The following OR10K1 variants were observed in gnomAD, a reference collection of about 807,000 sequenced individuals.
OR10K1 encodes the protein olfactory receptor family 10 subfamily K member 1, also known as olfactory receptor 10K1.
For missense variants in OR10K1, 404 were observed against 373.3 expected (o/e 1.08, Z -0.68); for synonymous variants, 186 against 152.5 (o/e 1.22, Z -1.62).
At chr1:158,465,156 T>C (rs1424350489) in intron 1 of OR10K1, among the ~76,000 whole-genome samples, 2 of 152,212 alleles carry the variant, frequency 1.3e-5, no homozygotes, top group Non-Finnish European at 2.9e-5. Context: ...CTGAATATTA[T>C]TCATTCTTTC....
chr1:158,465,763 T>G lies in OR10K1; in HGVS notation c.202T>G (p.Cys68Gly). Residue 68 changes from cysteine to glycine, a missense_variant, in exon 2 of 2, where the codon TGC (cysteine) becomes GGC (glycine). Physicochemically the swap from Cys to Gly is radical, Grantham distance 159. Coordinates refer to ENST00000641535, the MANE Select transcript of OR10K1 (RefSeq NM_001004473.2). ...GTACTTCTTCCTTGCCATCCTTTCTTGCTCTGAGATTTGCTATACCTTTGT... is the reference window on the plus strand; with the variant it reads ...GTACTTCTTCCTTGCCATCCTTTCTGGCTCTGAGATTTGCTATACCTTTGT... ...PMYFFLAILS[C>G]SEICYTFVIV... 6.2e-7 allele frequency: 1 copy of G among 1,614,194 alleles called. No individual in the cohort carries two copies. The highest frequency in any genetic ancestry group is 8.5e-7 in the Non-Finnish European group (1 of 1,180,022).
At position 158,466,265 on chromosome 1, in the gene OR10K1, A is replaced by G; in HGVS notation, c.704A>G (p.Tyr235Cys). 7 of 1,614,154 alleles carry G rather than the reference A, an allele frequency of 4.3e-6. No homozygotes were observed. Among genetic ancestry groups the G allele is most frequent in the Non-Finnish European group, 5.9e-6 (7 of 1,180,012 alleles). Residue 235 changes from tyrosine to cysteine, a missense_variant, in exon 2 of 2, where the codon TAC (tyrosine) becomes TGC (cysteine). By Grantham distance (194) the Tyr-to-Cys change is radical. Transcript: ENST00000641535. ...ILKIPSSVGR[Y>C]KTFSTCASHL... ...AAAATCCCTTCCTCCGTTGGAAGATACAAGACCTTCTCCACCTGTGCCTCC... is the reference window on the plus strand; with the variant it reads ...AAAATCCCTTCCTCCGTTGGAAGATGCAAGACCTTCTCCACCTGTGCCTCC...
chr1:158,463,945 G>A (rs1655982007), intron 1 of OR10K1, among the ~76,000 whole-genome samples: 1 of 151,894 alleles, frequency 6.6e-6, no homozygotes, highest in Non-Finnish European at 1.5e-5. Context: ...ACTAAGTTTA[G>A]GACCAGTTTC....
At chr1:158,464,313 G>T (rs1655989018) in intron 1 of OR10K1, among the ~76,000 whole-genome samples, 1 of 152,106 alleles carries the variant, frequency 6.6e-6, no homozygotes, top group African/African-American at 2.4e-5. Context: ...ATGGCAGTTT[G>T]CAAAATATTT....
chr1:158,462,709 C>T (rs1338207183), intron 1 of OR10K1, among the ~76,000 whole-genome samples: 1 of 152,084 alleles, frequency 6.6e-6, no homozygotes, highest in Non-Finnish European at 1.5e-5. Context: ...TTGATGTTTT[C>T]CTTAAAATAA....
chr1:158,462,401 C>T (rs1455312429), intron 1 of OR10K1, among the ~76,000 whole-genome samples: 2 of 149,386 alleles, frequency 1.3e-5, no homozygotes, highest in Non-Finnish European at 3.0e-5. Context: ...TTACTTCCTT[C>T]CTCCCTTCCT....
intron 1 of OR10K1, among the ~76,000 whole-genome samples, 179 bp downstream of exon 1, chr1:158,462,083 C>A (rs910020336): frequency 6.6e-6 from 1 of 151,840 alleles, no homozygotes; most frequent in African/African-American, 2.4e-5. Context: ...AGTTTGAGAC[C>A]AACCTGGCCA....
At position 158,465,507 on chromosome 1, in the gene OR10K1, T is replaced by C. The variant is rs1025810005; in HGVS notation, c.-55T>C. 85 of 1,398,094 alleles carry C rather than the reference T, an allele frequency of 6.1e-5. 2 individuals carry two copies. The Middle Eastern group carries it at 2.6e-3, about 42-fold the overall frequency. The allele number at this position is 1,398,094 out of a possible 1,614,324, so 86.6% of individuals were successfully genotyped here. Reference sequence around the variant, plus strand: ...TTTCCCGTACATTTCCACTCTCCTTTCTGGATCCTGGTTTCTACCTCTGTC... The same window carrying C: ...TTTCCCGTACATTTCCACTCTCCTTCCTGGATCCTGGTTTCTACCTCTGTC... On this transcript the variant is annotated 5_prime_UTR_variant, in exon 2 of 2. Transcript: ENST00000641535.
In OR10K1 at chr1:158,466,186, A is replaced by G; in HGVS notation, c.625A>G (p.Ile209Val). 1 of 1,614,110 alleles carries G rather than the reference A, an allele frequency of 6.2e-7. No individual in the cohort carries two copies. Among genetic ancestry groups the G allele is most frequent in the South Asian group, 1.1e-5 (1 of 91,074 alleles). ...IFMLGVFALV[I>V]PLLLILVSYI... ...CATGCTTGGTGTATTTGCCTTGGTC[A>G]TTCCTCTGCTACTTATCCTAGTCTC... The change falls in exon 2 of 2, where the codon ATT becomes GTT. Residue 209 changes from isoleucine (I) to valine (V), a missense_variant. Physicochemically the swap from Ile to Val is conservative, Grantham distance 29. Coordinates refer to ENST00000641535, the MANE Select transcript of OR10K1 (RefSeq NM_001004473.2).
intron 1 of OR10K1, among the ~76,000 whole-genome samples, chr1:158,462,303 A>G (rs1330728475): frequency 1.1e-4 from 16 of 150,056 alleles, no homozygotes; most frequent in Admixed American, 1.1e-3. Context: ...AATTATCTGA[A>G]TTGTTCTTGA....
rs745959671 is a variant in OR10K1 at position 158,465,981 on chromosome 1, G to T, written c.420G>T (p.Val140=). ...LRYSVLMGHG[V]CMGLMAAACA... ...ACTCAGTGCTCATGGGACATGGGGT[G>T]TGTATGGGACTAATGGCTGCTGCCT... The change falls in exon 2 of 2, where the codon GTG becomes GTT. Residue 140 remains valine, a synonymous_variant. Transcript: ENST00000641535. 11 of 1,614,136 alleles carry T rather than the reference G, an allele frequency of 6.8e-6. No individual in the cohort carries two copies. Among genetic ancestry groups the T allele is most frequent in the Admixed American group, 3.3e-5 (2 of 60,016 alleles).
Position 158,465,714 on chromosome 1 carries a change from G to C in OR10K1, c.153G>C (p.Leu51=). Reference sequence around the variant, plus strand: ...CAATCATCATTTCCACCATTGTGCTGGACAGAGCCCTTCATACTCCCATGT... The same window carrying C: ...CAATCATCATTTCCACCATTGTGCTCGACAGAGCCCTTCATACTCCCATGT... ...TNAIIISTIV[L]DRALHTPMYF... is the part of the protein sequence containing the mutation. Residue 51 remains leucine, a synonymous_variant, in exon 2 of 2, where the codon CTG becomes CTC. Transcript: ENST00000641535. 1 of 1,614,112 alleles carries C rather than the reference G, an allele frequency of 6.2e-7. No individual in the cohort carries two copies. Among genetic ancestry groups the C allele is most frequent in the Non-Finnish European group, 8.5e-7 (1 of 1,180,018 alleles).
In OR10K1 at chr1:158,466,404, T is replaced by C. The variant is rs1316539659; in HGVS notation, c.843T>C (p.Leu281=). ...TAATATCTGTGTCATACACCATCCT[T>C]ACCCCATTGTTCAATCCAATGATTT... ...DTLISVSYTI[L]TPLFNPMIYS... is the part of the protein sequence containing the mutation. Residue 281 remains leucine (L), a synonymous_variant, in exon 2 of 2, where the codon CTT becomes CTC. Coordinates refer to ENST00000641535, the MANE Select transcript of OR10K1 (RefSeq NM_001004473.2). The C allele has an allele frequency of 1.9e-6, 3 of 1,613,712 alleles. No individual in the cohort carries two copies. In the East Asian group the frequency reaches 6.7e-5, roughly 36 times the overall value.
At position 158,466,369 on chromosome 1, in the gene OR10K1, C is replaced by T; in HGVS notation, c.808C>T (p.Gln270Ter). 1 of 1,613,724 alleles carries T rather than the reference C, an allele frequency of 6.2e-7. No individual in the cohort carries two copies. The highest frequency in any genetic ancestry group is 8.5e-7 in the Non-Finnish European group (1 of 1,179,764). Residue 270 changes from glutamine (Q) to a stop codon, truncating the protein, a stop_gained, in exon 2 of 2, where the codon CAA becomes TAA. Transcript: ENST00000641535. LOFTEE classifies it low-confidence loss of function (END_TRUNC). ...GCCCAAGACTAATTACACTTCAAGC[C>T]AAGACACCCTAATATCTGTGTCATA... ...LRPKTNYTSS[Q>*]DTLISVSYTI...
chr1:158,463,909 CG>C (rs1655981625), intron 1 of OR10K1, among the ~76,000 whole-genome samples: 2 of 151,854 alleles, frequency 1.3e-5, no homozygotes, highest in Non-Finnish European at 1.5e-5. Context: ...GTTATACTAA[CG>C]TTATTAAAAT....
At chr1:158,464,862 T>G (rs1284414323) in intron 1 of OR10K1, among the ~76,000 whole-genome samples, 3 of 152,128 alleles carry the variant, frequency 2.0e-5, no homozygotes, top group Non-Finnish European at 4.4e-5. Context: ...TTGCCGAGGC[T>G]GGTCTTGAAC....
In OR10K1 at chr1:158,465,551, A is replaced by G. The variant is rs1269101829; in HGVS notation, c.-11A>G. On this transcript the variant is annotated 5_prime_UTR_variant, in exon 2 of 2. Coordinates refer to ENST00000641535, the MANE Select transcript of OR10K1 (RefSeq NM_001004473.2). ...CTCTGTCCCTGACTCTCCTTTATAG[A>G]AGTGCTCTCCATGGAGCAAGTCAAT... is the stretch of plus-strand genomic sequence containing the variant. 7 of 1,608,284 alleles carry G rather than the reference A, an allele frequency of 4.4e-6. No homozygotes were observed. Among genetic ancestry groups the G allele is most frequent in the African/African-American group, 1.3e-5 (1 of 74,730 alleles).
rs1557872628 is a variant in OR10K1, at chr1:158,465,848, G to T, written c.287G>T (p.Gly96Val). The T allele has an allele frequency of 8.1e-6, 13 of 1,614,060 alleles. No homozygotes were observed. Among genetic ancestry groups the T allele is most frequent in the Non-Finnish European group, 1.1e-5 (13 of 1,180,046 alleles). Reference sequence around the variant, plus strand: ...CAGAAGAAGACCATTTCTTTCCTGGGCTGTGCCATCCAAATGTTTTCCTTC... The same window carrying T: ...CAGAAGAAGACCATTTCTTTCCTGGTCTGTGCCATCCAAATGTTTTCCTTC... ...LSQKKTISFL[G>V]CAIQMFSFLF... is the part of the protein sequence containing the mutation. Residue 96 changes from glycine to valine, a missense_variant, in exon 2 of 2, where the codon GGC becomes GTC. By Grantham distance (109) the Gly-to-Val change is moderately radical. Coordinates refer to ENST00000641535, the MANE Select transcript of OR10K1 (RefSeq NM_001004473.2).
Position 158,465,528 on chromosome 1 carries a change from C to G in OR10K1, c.-34C>G, listed in dbSNP as rs764216202. On this transcript the variant is annotated 5_prime_UTR_variant, in exon 2 of 2. Coordinates refer to ENST00000641535, the MANE Select transcript of OR10K1 (RefSeq NM_001004473.2). ...CCTTTCTGGATCCTGGTTTCTACCT[C>G]TGTCCCTGACTCTCCTTTATAGAAG... 17 of 1,538,754 alleles carry G rather than the reference C, an allele frequency of 1.1e-5. No homozygotes were observed. The Middle Eastern group carries it at 5.2e-4, about 47-fold the overall frequency.
Sources: allele counts gnomAD v4.1 joint callset (sites outside exome capture counted in the v4.1 genomes callset), GRCh38; gene constraint gnomAD v4.1.1; transcripts MANE v1.5; gene names NCBI Gene and HGNC (gene_info 2026-07-23, HGNC 2026-07-21).